Variants in PCDHA8 observed in about 807,000 individuals in gnomAD.
PCDHA8 encodes protocadherin alpha-8.
Under a neutral mutation model 61.8 loss-of-function variants are expected in PCDHA8, and 53 were observed. That is an observed-to-expected ratio of 0.86 (90% CI 0.69 to 1.08). PCDHA8 has a LOEUF of 1.08. Ranked by LOEUF, PCDHA8 falls within the 50% of genes least tolerant of loss-of-function variation. The pLI, the probability that PCDHA8 is intolerant of heterozygous loss-of-function variation, is 0.00. For missense variants in PCDHA8, 1,293 were observed against 1,245.0 expected, an observed-to-expected ratio of 1.04 and a Z score of -0.58; for synonymous variants, 618 against 556.6, an observed-to-expected ratio of 1.11 and a Z score of -1.55.
At chr5:140,996,987 A>G (rs1554255592) in intron 3 of PCDHA8, among the ~76,000 whole-genome samples, 1 of 152,134 alleles carries the variant, frequency 6.6e-6, no homozygotes, top group African/African-American at 2.4e-5. Context: ...TGAAGCAACC[A>G]CTGTTAACAA....
At chr5:140,877,080 C>T in intron 1 of PCDHA8, 2 of 1,613,062 alleles carry the variant, frequency 1.2e-6, no homozygotes, top group East Asian at 2.2e-5. Context: ...TCCAGGTGAG[C>T]GCGCGCGACG....
intron 1 of PCDHA8, chr5:140,876,687 C>T: frequency 6.2e-7 from 1 of 1,614,212 alleles, no homozygotes; most frequent in Non-Finnish European, 8.5e-7. Flanking sequence ...AGAATTACTA[C>T]TCGTTGGTGC....
chr5:140,842,120 T>A lies in PCDHA8; in HGVS notation c.799T>A (p.Ser267Thr). ...NGTTVIKLNA[S>T]DPDEGANGAI... ...AACAACAGTTATCAAACTGAATGCTTCTGATCCGGATGAAGGAGCCAATGG... is the reference window on the plus strand; with the variant it reads ...AACAACAGTTATCAAACTGAATGCTACTGATCCGGATGAAGGAGCCAATGG... The change falls in exon 1 of 4, where the codon TCT becomes ACT. Residue 267 changes from serine (S) to threonine (T), a missense_variant. Coordinates refer to ENST00000531613, the MANE Select transcript of PCDHA8 (RefSeq NM_018911.3). 1 of 1,613,882 alleles carries A rather than the reference T, an allele frequency of 6.2e-7. No individual in the cohort carries two copies. Among genetic ancestry groups the A allele is most frequent in the Non-Finnish European group, 8.5e-7 (1 of 1,179,850 alleles).
In PCDHA8 at chr5:140,927,952, G is replaced by C. The variant is rs1352026553; in HGVS notation, c.2395-50997G>C. 6 of 1,614,064 alleles carry C rather than the reference G, an allele frequency of 3.7e-6. No homozygotes were observed. In the African/African-American group the frequency reaches 8.0e-5, roughly 22 times the overall value. On this transcript the variant is annotated intron_variant, in intron 1 of 3. Coordinates refer to ENST00000531613, the MANE Select transcript of PCDHA8 (RefSeq NM_018911.3). ...TTCGAACCCAGTACCTGAGGACGCTGCCCCTGGCACAGTGATTGCTCTCTT... is the reference window on the plus strand; with the variant it reads ...TTCGAACCCAGTACCTGAGGACGCTCCCCCTGGCACAGTGATTGCTCTCTT...
At position 141,010,207 on chromosome 5, in the gene PCDHA8, A is replaced by C; in HGVS notation, c.*270A>C. The C allele has an allele frequency of 6.4e-7, 1 of 1,551,870 alleles. No homozygotes were observed. ...CCAAGTTTCCTTTCTCCTCCGCCGC[A>C]AAGGAGAGGCTTCCCAGCCCCGCCA... On this transcript the variant is annotated 3_prime_UTR_variant, in exon 4 of 4. Transcript: ENST00000531613.
intron 1 of PCDHA8, chr5:140,883,972 C>G (rs781784485): frequency 3.1e-6 from 5 of 1,612,854 alleles, no homozygotes; most frequent in Non-Finnish European, 4.2e-6. Context: ...TGCTGACGCC[C>G]GGGGCTGGCA....
chr5:140,850,168 A>C, intron 1 of PCDHA8: 1 of 1,594,824 alleles, frequency 6.3e-7, no homozygotes, highest in Non-Finnish European at 8.6e-7. Flanking sequence ...GTGCTGGACG[A>C]GAACGACAAT....
chr5:140,883,475 AACT>A, intron 1 of PCDHA8: 1 of 1,614,106 alleles, frequency 6.2e-7, no homozygotes. Context: ...CACCTACAAG[AACT>A]ACTACTCATT....
chr5:140,864,321 C>T (rs1040853151), intron 1 of PCDHA8: 1 of 152,126 alleles, frequency 6.6e-6, no homozygotes, highest in African/African-American at 2.4e-5. Flanking sequence ...TATTTAATAT[C>T]ATAATTATTT....
chr5:141,000,223 G>C (rs1190945878), intron 3 of PCDHA8, among the ~76,000 whole-genome samples: 1 of 151,642 alleles, frequency 6.6e-6, no homozygotes, highest in African/African-American at 2.4e-5. Context: ...AAATGCCTGT[G>C]TGGAGCTGAA....
rs529585383 is a variant in PCDHA8 at position 140,982,571 on chromosome 5, G to T, written c.2542+8G>T. 243 of 1,613,888 alleles carry T rather than the reference G, an allele frequency of 1.5e-4. 4 individuals carry two copies. The South Asian group carries it at 2.5e-3, about 17-fold the overall frequency. ...TATCCAGTGCAACACCAGGTAAAGAGCTGGGGTCTCTCCATTCTTTCTTGG... is the reference window on the plus strand; with the variant it reads ...TATCCAGTGCAACACCAGGTAAAGATCTGGGGTCTCTCCATTCTTTCTTGG... On this transcript the variant is annotated splice_region_variant and intron_variant, in intron 3 of 3. Transcript: ENST00000531613.
chr5:140,967,745 G>T, intron 1 of PCDHA8: 1 of 1,614,184 alleles, frequency 6.2e-7, no homozygotes, highest in Non-Finnish European at 8.5e-7. Flanking sequence ...GGATTATGAG[G>T]AAGCCTCCTC....
At chr5:140,877,738 C>G (rs539793128) in intron 1 of PCDHA8, 1 of 1,614,164 alleles carries the variant, frequency 6.2e-7, no homozygotes, top group African/African-American at 1.3e-5. Flanking sequence ...GCAGAGGAGG[C>G]AGAGGGTGTG....
chr5:140,967,147 C>A (rs782815903), intron 1 of PCDHA8: 7 of 1,611,068 alleles, frequency 4.3e-6, no homozygotes, highest in South Asian at 2.2e-5. Flanking sequence ...TGGCGCACAA[C>A]CCCGTGGCGG....
chr5:140,879,475 A>G (rs567061434), intron 1 of PCDHA8, among the ~76,000 whole-genome samples: 1 of 152,326 alleles, frequency 6.6e-6, no homozygotes, highest in Non-Finnish European at 1.5e-5. Flanking sequence ...TACCGTTGTG[A>G]TTGGAAATAT....
At chr5:141,007,306 T>C (rs1050571899) in intron 3 of PCDHA8, among the ~76,000 whole-genome samples, 8 of 151,500 alleles carry the variant, frequency 5.3e-5, no homozygotes, top group Admixed American at 3.3e-4. Context: ...ATCTTAGCAT[T>C]TTGGGAGGCT....
intron 1 of PCDHA8, among the ~76,000 whole-genome samples, chr5:140,899,785 A>C (rs1460475621): frequency 6.6e-6 from 1 of 152,166 alleles, no homozygotes; most frequent in African/African-American, 2.4e-5. Flanking sequence ...CTCTGGTATA[A>C]TTCGGCTGTG....
At chr5:140,871,125 G>A (rs1387416665) in intron 1 of PCDHA8, 1 of 1,613,330 alleles carries the variant, frequency 6.2e-7, no homozygotes. Context: ...GCGGACAGGC[G>A]CCAAAGGCCT....
chr5:140,876,867 G>A, intron 1 of PCDHA8: 1 of 1,614,152 alleles, frequency 6.2e-7, no homozygotes, highest in Non-Finnish European at 8.5e-7. Context: ...TGTTCGTGAA[G>A]GAGAACAACC....
Sources: allele counts gnomAD v4.1 joint callset (sites outside exome capture counted in the v4.1 genomes callset), GRCh38; gene constraint gnomAD v4.1.1; transcripts MANE v1.5; gene names NCBI Gene and HGNC (gene_info 2026-07-23, HGNC 2026-07-21).